Variants in INSC observed in about 807,000 individuals in gnomAD.
INSC encodes the protein INSC spindle orientation adaptor protein, also known as protein inscuteable homolog.
In INSC, 67 loss-of-function variants were observed where a neutral mutation model predicts 58.6. The ratio of observed to expected loss-of-function variants is 1.14; its 90% confidence interval spans 0.94 to 1.40. INSC has a LOEUF of 1.40. Ranked by LOEUF, INSC falls within the 40% of genes most tolerant of loss-of-function variation. The pLI is 0.00. For missense variants in INSC, 714 were observed against 692.0 expected, an observed-to-expected ratio of 1.03 and a Z score of -0.36; for synonymous variants, 262 against 276.1, an observed-to-expected ratio of 0.95 and a Z score of 0.51.
intron 1 of INSC, among the ~76,000 whole-genome samples, chr11:15,135,430 A>C (rs146296060): frequency 2.9e-3 from 438 of 152,354 alleles, no homozygotes; most frequent in Middle Eastern, 0.01. Flanking sequence ...AGATGTTATA[A>C]CAATGACAAC....
At chr11:15,151,481 A>G (rs894368148) in intron 2 of INSC, among the ~76,000 whole-genome samples, 8 of 152,084 alleles carry the variant, frequency 5.3e-5, no homozygotes, top group Non-Finnish European at 1.5e-5. Flanking sequence ...GGGGTGGTCA[A>G]AGATTTACTG....
At chr11:15,181,629 C>T (rs1049789794) in intron 5 of INSC, among the ~76,000 whole-genome samples, 1 of 152,110 alleles carries the variant, frequency 6.6e-6, no homozygotes, top group Non-Finnish European at 1.5e-5. Flanking sequence ...TGTATTAACC[C>T]AAGAATCTGG....
chr11:15,226,631 C>T (rs1851650958), intron 9 of INSC, among the ~76,000 whole-genome samples: 1 of 152,166 alleles, frequency 6.6e-6, no homozygotes, highest in South Asian at 2.1e-4. Flanking sequence ...CTCAGCTTAT[C>T]CCTGTCTGCA....
chr11:15,119,832 G>A (rs1323015034), intron 1 of INSC, among the ~76,000 whole-genome samples: 5 of 152,242 alleles, frequency 3.3e-5, no homozygotes, highest in Non-Finnish European at 7.3e-5. Flanking sequence ...ATCTGACTTG[G>A]AGCCTCAGTT....
the INSC span, among the ~76,000 whole-genome samples, chr11:15,254,877 A>G: frequency 6.6e-6 from 1 of 152,084 alleles, no homozygotes; most frequent in African/African-American, 2.4e-5. Flanking sequence ...AAAATTACAG[A>G]GCAAATAAAT....
chr11:15,124,271 G>T (rs1345924274), intron 1 of INSC, among the ~76,000 whole-genome samples: 1 of 152,210 alleles, frequency 6.6e-6, no homozygotes, highest in Non-Finnish European at 1.5e-5. Context: ...TCACTGTGCT[G>T]GTCTAGGGCT....
At chr11:15,261,462 A>G in the INSC span, among the ~76,000 whole-genome samples, 1 of 152,172 alleles carries the variant, frequency 6.6e-6, no homozygotes, top group Admixed American at 6.6e-5. Flanking sequence ...AAACTCCATA[A>G]TCTTTGTTTT....
the INSC span, among the ~76,000 whole-genome samples, chr11:15,254,354 C>A: frequency 1.3e-5 from 2 of 152,112 alleles, no homozygotes; most frequent in African/African-American, 4.8e-5. Flanking sequence ...CTGCTCTAGG[C>A]TCAGGAAAGA....
At chr11:15,131,084 GT>G (rs1370956882) in intron 1 of INSC, among the ~76,000 whole-genome samples, 13 of 151,564 alleles carry the variant, frequency 8.6e-5, no homozygotes. Flanking sequence ...CTTTTTCTAA[GT>G]TTCTTAAGTT....
chr11:15,154,378 T>G (rs1380552228), intron 2 of INSC, among the ~76,000 whole-genome samples: 2 of 152,254 alleles, frequency 1.3e-5, no homozygotes, highest in Non-Finnish European at 2.9e-5. Flanking sequence ...ATTTTTTTAG[T>G]ATAAAATTGC....
At chr11:15,142,664 A>G (rs1447793711) in intron 1 of INSC, among the ~76,000 whole-genome samples, 2 of 152,172 alleles carry the variant, frequency 1.3e-5, no homozygotes, top group African/African-American at 4.8e-5. Flanking sequence ...CTATGGGAGA[A>G]CTTGATGAAC....
At chr11:15,178,201 C>G (rs1259194467) in intron 4 of INSC, 123 bp from the exon 5 acceptor site, 11 of 1,301,496 alleles carry the variant, frequency 8.5e-6, no homozygotes, top group Non-Finnish European at 1.2e-5. Context: ...ATCTCTGACT[C>G]CCAGTTGCCA....
intron 2 of INSC, among the ~76,000 whole-genome samples, chr11:15,169,951 A>C (rs1268512249): frequency 6.6e-6 from 1 of 152,196 alleles, no homozygotes; most frequent in East Asian, 1.9e-4. Context: ...CTTGGCATCC[A>C]TGAGAGATTG....
chr11:15,174,803 C>A (rs937666850), intron 2 of INSC, among the ~76,000 whole-genome samples: 25 of 152,286 alleles, frequency 1.6e-4, no homozygotes, highest in African/African-American at 6.0e-4. Flanking sequence ...TATCTTGATT[C>A]TTTAGGCAGA....
At chr11:15,208,479 C>T (rs1053136076) in intron 7 of INSC, among the ~76,000 whole-genome samples, 13 of 152,188 alleles carry the variant, frequency 8.5e-5, no homozygotes, top group Non-Finnish European at 1.5e-5. Flanking sequence ...TGTTCACTTT[C>T]GACATACCAA....
chr11:15,119,030 G>C (rs142757739), intron 1 of INSC, among the ~76,000 whole-genome samples: 2 of 152,358 alleles, frequency 1.3e-5, no homozygotes, highest in African/African-American at 4.8e-5. Context: ...TAACTCCAGA[G>C]TGTGTAGTGA....
At chr11:15,169,436 C>T (rs988823501) in intron 2 of INSC, among the ~76,000 whole-genome samples, 12 of 152,206 alleles carry the variant, frequency 7.9e-5, no homozygotes, top group African/African-American at 2.9e-4. Flanking sequence ...ACCTATCATC[C>T]TGGAGCTTGG....
chr11:15,137,412 G>C (rs967022508), intron 1 of INSC, among the ~76,000 whole-genome samples: 1 of 152,152 alleles, frequency 6.6e-6, no homozygotes, highest in Non-Finnish European at 1.5e-5. Context: ...CTCTAGCTAT[G>C]AAAGTCATAG....
upstream of INSC, among the ~76,000 whole-genome samples, chr11:15,113,143 T>TC (rs1847611291): frequency 1.1e-3 from 112 of 98,674 alleles, no homozygotes; most frequent in African/African-American, 3.8e-3. Flanking sequence ...CTTTCTTTCT[T>TC]TCTGTCTCTC....
Sources: allele counts gnomAD v4.1 joint callset (sites outside exome capture counted in the v4.1 genomes callset), GRCh38; gene constraint gnomAD v4.1.1; transcripts MANE v1.5; gene names NCBI Gene and HGNC (gene_info 2026-07-23, HGNC 2026-07-21).